CWF19L2: variants seen among roughly 807,000 people sequenced by gnomAD.
CWF19L2 encodes the protein CWF19-like protein 2.
Under a neutral mutation model 111.7 loss-of-function variants are expected in CWF19L2, and 98 were observed. That is an observed-to-expected ratio of 0.88 (90% CI 0.75 to 1.04). The LOEUF (loss-of-function observed/expected upper bound fraction) is 1.04, where lower values mean the gene tolerates loss of function less well. Ranked by LOEUF, CWF19L2 falls within the 50% of genes least tolerant of loss-of-function variation. CWF19L2 has a pLI of 0.00. For missense variants in CWF19L2, 1,101 were observed against 1,051.4 expected, an observed-to-expected ratio of 1.05 and a Z score of -0.65; for synonymous variants, 351 against 342.9, an observed-to-expected ratio of 1.02 and a Z score of -0.26.
chr11:107,442,792 A>AAGGGAGGAAGGAAGGGAGGG (rs1861643587), intron 4 of CWF19L2, 147 bp downstream of exon 4: 8 of 162,400 alleles, frequency 4.9e-5, no homozygotes. Context: ...GGAAGGAAGG[A>AAGGGAGGAAGGAAGGGAGGG]AGGGAGGGAG....
intron 14 of CWF19L2, among the ~76,000 whole-genome samples, chr11:107,347,461 C>T (rs595868): frequency 0.81 from 122,527 of 152,144 alleles, 50,014 homozygotes; most frequent in African/African-American, 0.94. Flanking sequence ...CAAACTGTAC[C>T]TCATCAAGCT....
At chr11:107,418,035 C>T (rs997416260) in intron 9 of CWF19L2, among the ~76,000 whole-genome samples, 159 bp downstream of exon 9, 4 of 152,234 alleles carry the variant, frequency 2.6e-5, no homozygotes, top group Non-Finnish European at 5.9e-5. Flanking sequence ...GCTGGGATTA[C>T]AGGCATGGTG....
chr11:107,414,909 T>G (rs528160483), intron 10 of CWF19L2, among the ~76,000 whole-genome samples: 1 of 152,324 alleles, frequency 6.6e-6, no homozygotes, highest in Admixed American at 6.5e-5. Context: ...TCATTTCTTA[T>G]CTGCATTATT....
chr11:107,428,660 T>C, intron 8 of CWF19L2, 139 bp downstream of exon 8: 1 of 692,138 alleles, frequency 1.4e-6, no homozygotes, highest in Non-Finnish European at 2.4e-6. Flanking sequence ...GCCTGTTAAA[T>C]CTGCATATCT....
At chr11:107,442,891 AG>A (rs1204812331) in intron 4 of CWF19L2, 47 bp downstream of exon 4, 1 of 1,178,818 alleles carries the variant, frequency 8.5e-7, no homozygotes, top group African/African-American at 1.5e-5. Flanking sequence ...GGAGGAAGGA[AG>A]GAAGGAAGGA....
chr11:107,442,735 A>AAAGGAAGGAAGGAAGGAAGGAAGG (rs761215951), intron 4 of CWF19L2, among the ~76,000 whole-genome samples: 1 of 73,100 alleles, frequency 1.4e-5, no homozygotes, highest in African/African-American at 5.7e-5. Flanking sequence ...AGAAAGAAAG[A>AAAGGAAGGAAGGAAGGAAGGAAGG]AAGGAAGGAA....
At chr11:107,441,769 G>A in intron 4 of CWF19L2, 147 bp from the exon 5 acceptor site, 1 of 687,838 alleles carries the variant, frequency 1.5e-6, no homozygotes, top group Non-Finnish European at 2.1e-6. Flanking sequence ...TATATAACTT[G>A]AAGCAAGCTT....
intron 8 of CWF19L2, among the ~76,000 whole-genome samples, chr11:107,423,955 A>G (rs909496097): frequency 4.0e-5 from 6 of 151,782 alleles, no homozygotes; most frequent in Admixed American, 6.6e-5. Flanking sequence ...ATACCTAAAA[A>G]CAGGGTACTA....
chr11:107,355,682 A>G (rs924788473), intron 12 of CWF19L2, among the ~76,000 whole-genome samples: 7 of 152,218 alleles, frequency 4.6e-5, no homozygotes, highest in Non-Finnish European at 7.3e-5. Context: ...AAATTTTAAG[A>G]GGACATAACA....
At chr11:107,397,589 G>A (rs2135381569) in intron 10 of CWF19L2, among the ~76,000 whole-genome samples, 1 of 151,806 alleles carries the variant, frequency 6.6e-6, no homozygotes, top group Non-Finnish European at 1.5e-5. Flanking sequence ...ATCCACTCTG[G>A]TAGTGGAAGA....
At chr11:107,363,578 C>T (rs7120673) in intron 12 of CWF19L2, among the ~76,000 whole-genome samples, 34,177 of 135,546 alleles carry the variant, frequency 0.25, 4,682 homozygotes, top group Non-Finnish European at 0.31. Context: ...AACTAAGCTT[C>T]CTAAGTGAAG....
intron 11 of CWF19L2, 149 bp from the exon 12 acceptor site, chr11:107,390,360 T>C (rs1860830005): frequency 2.9e-6 from 2 of 681,136 alleles, no homozygotes; most frequent in Non-Finnish European, 4.7e-6. Flanking sequence ...TCTGCCAGTT[T>C]CCATGTGAAA....
chr11:107,358,423 T>C (rs533647), intron 12 of CWF19L2, among the ~76,000 whole-genome samples: 123,527 of 151,670 alleles, frequency 0.81, 50,925 homozygotes, highest in African/African-American at 0.94. Flanking sequence ...CATTCAAAGT[T>C]GTCCTGGGCC....
intron 3 of CWF19L2, among the ~76,000 whole-genome samples, chr11:107,453,046 C>T (rs73000130): frequency 1.3e-5 from 2 of 151,424 alleles, no homozygotes; most frequent in African/African-American, 4.9e-5. Context: ...TCTTGAGGTG[C>T]GCAAAAATTA....
At chr11:107,401,166 T>C (rs1188034228) in intron 10 of CWF19L2, among the ~76,000 whole-genome samples, 3 of 152,084 alleles carry the variant, frequency 2.0e-5, no homozygotes, top group Non-Finnish European at 4.4e-5. Flanking sequence ...AAGACAAGGA[T>C]GCTCACTCTC....
intron 10 of CWF19L2, among the ~76,000 whole-genome samples, chr11:107,399,457 G>A (rs538945657): frequency 6.4e-4 from 98 of 152,144 alleles, no homozygotes; most frequent in African/African-American, 2.2e-3. Context: ...TTAAAGCAAC[G>A]GCAGTTAAAA....
In CWF19L2 at chr11:107,401,707, C is replaced by T. The variant is rs1021687100; in HGVS notation, c.1618-8812G>A. Among the ~76,000 whole-genome samples, 33 of 152,062 alleles carry T rather than the reference C, an allele frequency of 2.2e-4. No individual in the cohort carries two copies. In the East Asian group the frequency reaches 5.2e-3, roughly 24 times the overall value. The stretch of plus-strand genomic sequence containing the variant: ...AATCCCCATCAGAATACCACCATCA[C>T]TCTTCACAGAATTAGAAAAAAACAA... On this transcript the variant is annotated intron_variant, in intron 10 of 17. Coordinates refer to ENST00000282251, the MANE Select transcript of CWF19L2 (RefSeq NM_152434.3).
rs142436949 is a variant in CWF19L2 at position 107,455,788 on chromosome 11, GA to G, written c.106-13del. On this transcript the variant is annotated splice_polypyrimidine_tract_variant and intron_variant, in intron 1 of 17. Transcript: ENST00000282251. Reference sequence around the variant, plus strand: ...AAATTGGCTTTAGCCTACAACCAAAGAAAAAAAAAAGACAAACTGGCAATTG... The same window carrying G: ...AAATTGGCTTTAGCCTACAACCAAAGAAAAAAAAAGACAAACTGGCAATTG... 1.0e-3 allele frequency: 1,323 copies of G among 1,291,082 alleles called. No individual in the cohort carries two copies. Among genetic ancestry groups the G allele is most frequent in the Admixed American group, 1.7e-3 (63 of 36,324 alleles). 80.0% of individuals were successfully genotyped at this position (1,291,082 alleles called of 1,614,324 possible). A position where few individuals can be genotyped will look rare whatever the true frequency, so the allele number is the denominator to read the frequency against.
At chr11:107,373,011 G>A (rs541361108) in intron 12 of CWF19L2, among the ~76,000 whole-genome samples, 4,933 of 28,874 alleles carry the variant, frequency 0.17, 998 homozygotes, top group Middle Eastern at 0.38. Context: ...AAGGGGTGAC[G>A]GACGCACCTG....
Sources: allele counts gnomAD v4.1 joint callset (sites outside exome capture counted in the v4.1 genomes callset), GRCh38; gene constraint gnomAD v4.1.1; transcripts MANE v1.5; gene names NCBI Gene and HGNC (gene_info 2026-07-23, HGNC 2026-07-21).